MLLT3: variants seen among roughly 807,000 people sequenced by gnomAD.
The protein encoded by MLLT3 is MLLT3 super elongation complex subunit.
In MLLT3, 4 loss-of-function variants were observed where a neutral mutation model predicts 53.2. The observed-to-expected ratio is 0.08, with a 90% CI of 0.04 to 0.17. The LOEUF (loss-of-function observed/expected upper bound fraction) is 0.17. Ranked by LOEUF, MLLT3 falls within the 10% of genes least tolerant of loss-of-function variation. MLLT3 has a pLI of 1.00. For missense variants in MLLT3, 569 were observed against 684.0 expected, an observed-to-expected ratio of 0.83 and a Z score of 1.87; for synonymous variants, 283 against 230.6, an observed-to-expected ratio of 1.23 and a Z score of -2.06.
intron 4 of MLLT3, among the ~76,000 whole-genome samples, chr9:20,433,332 T>G (rs1823323652): frequency 6.6e-6 from 1 of 152,136 alleles, no homozygotes; most frequent in African/African-American, 2.4e-5. Flanking sequence ...AAATAAATAA[T>G]GATAGTAATA....
chr9:20,622,207 G>A (rs751279581), intron 1 of MLLT3, 38 bp downstream of exon 1: 3 of 1,584,340 alleles, frequency 1.9e-6, no homozygotes, highest in African/African-American at 1.4e-5. Context: ...GAAGGAAAGT[G>A]GGGGAGGGCT....
intron 2 of MLLT3, among the ~76,000 whole-genome samples, chr9:20,619,928 T>C (rs1482569648): frequency 6.6e-6 from 1 of 152,070 alleles, no homozygotes; most frequent in Non-Finnish European, 1.5e-5. Flanking sequence ...GCTTCGACCT[T>C]TGCAAGAACA....
At chr9:20,423,408 G>A (rs1340409274) in intron 4 of MLLT3, among the ~76,000 whole-genome samples, 1 of 152,118 alleles carries the variant, frequency 6.6e-6, no homozygotes, top group East Asian at 1.9e-4. Flanking sequence ...TTCCAGTAGA[G>A]GGGGTAAAAT....
At chr9:20,470,800 T>C (rs1279669223) in intron 2 of MLLT3, among the ~76,000 whole-genome samples, 1 of 151,942 alleles carries the variant, frequency 6.6e-6, no homozygotes, top group Non-Finnish European at 1.5e-5. Context: ...ATTTTAATAT[T>C]TTAAAATGAT....
chr9:20,515,853 C>A (rs1339481913), intron 2 of MLLT3, among the ~76,000 whole-genome samples: 1 of 152,174 alleles, frequency 6.6e-6, no homozygotes, highest in South Asian at 2.1e-4. Context: ...CAAGCACAGA[C>A]CGCCTGATGT....
chr9:20,353,500 G>T lies in MLLT3; in HGVS notation c.1575+25C>A, dbSNP rs746705503. The T allele has an allele frequency of 5.0e-6, 8 of 1,602,374 alleles. No homozygotes were observed. The Admixed American group carries it at 6.7e-5, about 13-fold the overall frequency. ...ACCAAGTCTTGAAGTTTCTGGAAAG[G>T]GTTGTGCTAAAAAGCATTTCTCACC... On this transcript the variant is annotated intron_variant, in intron 10 of 10. Coordinates refer to ENST00000380338, the MANE Select transcript of MLLT3 (RefSeq NM_004529.4).
intron 2 of MLLT3, among the ~76,000 whole-genome samples, chr9:20,585,730 CTT>C (rs1819939599): frequency 6.6e-6 from 1 of 152,212 alleles, no homozygotes; most frequent in Non-Finnish European, 1.5e-5. Context: ...GCAAAATACT[CTT>C]TTCACTGTTC....
chr9:20,569,804 C>G (rs1324648060), intron 2 of MLLT3, among the ~76,000 whole-genome samples: 2 of 152,162 alleles, frequency 1.3e-5, no homozygotes, highest in African/African-American at 4.8e-5. Context: ...AGCTAACATA[C>G]CTATGTATAC....
At chr9:20,535,338 T>C (rs779539530) in intron 2 of MLLT3, among the ~76,000 whole-genome samples, 2 of 152,134 alleles carry the variant, frequency 1.3e-5, no homozygotes, top group Non-Finnish European at 2.9e-5. Flanking sequence ...GAAAATTGTC[T>C]TCCATGAAAC....
intron 2 of MLLT3, among the ~76,000 whole-genome samples, chr9:20,513,145 T>G (rs2118964759): frequency 6.6e-6 from 1 of 152,346 alleles, no homozygotes; most frequent in South Asian, 2.1e-4. Flanking sequence ...CATGAGATCC[T>G]TCTTCATCCT....
chr9:20,495,377 T>C (rs1182928437), intron 2 of MLLT3, among the ~76,000 whole-genome samples: 1 of 152,152 alleles, frequency 6.6e-6, no homozygotes, highest in African/African-American at 2.4e-5. Context: ...AGTCTGCACA[T>C]TAAAGTTTGA....
intron 2 of MLLT3, among the ~76,000 whole-genome samples, chr9:20,605,713 A>G (rs1820545564): frequency 6.6e-6 from 1 of 152,064 alleles, no homozygotes; most frequent in Non-Finnish European, 1.5e-5. Flanking sequence ...GTCAGATTTT[A>G]AGCTAGTATA....
intron 2 of MLLT3, among the ~76,000 whole-genome samples, chr9:20,590,404 C>T (rs941131356): frequency 3.3e-5 from 5 of 152,182 alleles, no homozygotes; most frequent in Admixed American, 6.5e-5. Context: ...GGAGGCAGGG[C>T]CCCAGTCGGA....
At chr9:20,589,661 A>G (rs1033518531) in intron 2 of MLLT3, among the ~76,000 whole-genome samples, 17 of 148,956 alleles carry the variant, frequency 1.1e-4, no homozygotes, top group Non-Finnish European at 2.1e-4. Context: ...GTATTTCTTG[A>G]AAGTTTCTTC....
At position 20,487,247 on chromosome 9, in the gene MLLT3, A is replaced by C. The variant is rs1824836772; in HGVS notation, c.194-30461T>G. ...CCTGGTCTGCTAAATGTAAGGAGAA[A>C]AAAGGGTAAAAGTGCTCCTTATAAA... is the stretch of plus-strand genomic sequence containing the variant. On this transcript the variant is annotated intron_variant, in intron 2 of 10. Transcript: ENST00000380338. Among the ~76,000 whole-genome samples the C allele has an allele frequency of 2.6e-5, 4 of 152,098 alleles. No individual in the cohort carries two copies. The South Asian group carries it at 8.3e-4, about 32-fold the overall frequency.
At chr9:20,569,970 G>A (rs1819487768) in intron 2 of MLLT3, among the ~76,000 whole-genome samples, 1 of 152,030 alleles carries the variant, frequency 6.6e-6, no homozygotes, top group African/African-American at 2.4e-5. Context: ...CCCCCAGCTG[G>A]CCCAAACTAC....
rs570629647 is a variant in MLLT3, at chr9:20,463,496, A to C, written c.194-6710T>G. 1.8e-4 allele frequency among the ~76,000 whole-genome samples: 28 copies of C among 152,300 alleles called. No homozygotes were observed. In the South Asian group the frequency reaches 5.6e-3, roughly 30 times the overall value. On this transcript the variant is annotated intron_variant, in intron 2 of 10. Transcript: ENST00000380338. The stretch of plus-strand genomic sequence containing the variant: ...AGCCAGCAAAATTCAGAAGTTTCCC[A>C]AAACTAGGTAATATTATTAATTGCT...
At chr9:20,553,044 C>T (rs1818964351) in intron 2 of MLLT3, among the ~76,000 whole-genome samples, 1 of 152,182 alleles carries the variant, frequency 6.6e-6, no homozygotes, top group Non-Finnish European at 1.5e-5. Context: ...TACTACAGAA[C>T]ATATGAGAAT....
rs1041647873 is a variant in MLLT3 at position 20,621,427 on chromosome 9, G to T, written c.13-593C>A. ...CACGGGGTTCGTGCACAACAAAAAT[G>T]AGACGTCGTCATACACACTGAAACA... On this transcript the variant is annotated intron_variant, in intron 1 of 10. Transcript: ENST00000380338. This position sits in a 1 kb window ranked among gnomAD's most constrained non-coding sequence, Gnocchi z 7.0. Among the ~76,000 whole-genome samples, 1 of 152,092 alleles carries T rather than the reference G, an allele frequency of 6.6e-6. No individual in the cohort carries two copies. Among genetic ancestry groups the T allele is most frequent in the Non-Finnish European group, 1.5e-5 (1 of 67,992 alleles).
Sources: gnomAD v4.1 joint callset for allele counts (sites outside exome capture counted in the v4.1 genomes callset) on GRCh38, gnomAD v4.1.1 for gene constraint, Gnocchi (gnomAD v3.1) non-coding constraint, MANE v1.5 for transcripts, NCBI Gene and HGNC (gene_info 2026-07-23, HGNC 2026-07-21) for gene names.